LRRC37A2: variants seen among roughly 807,000 people sequenced by gnomAD.
LRRC37A2 encodes the protein leucine rich repeat containing 37 member A2.
A neutral mutation model predicts 68.8 loss-of-function variants in LRRC37A2; 9 were observed. The ratio of observed to expected loss-of-function variants is 0.13; its 90% CI spans 0.08 to 0.23. LRRC37A2 has a LOEUF of 0.23. Among genes scored for constraint, LRRC37A2 ranks in the 10% least tolerant of loss-of-function variants. The probability of loss-of-function intolerance (pLI) is 1.00; values close to 1 mark genes in which losing one functional copy is unlikely to be tolerated. For synonymous variants in LRRC37A2, 63 were observed against 367.6 expected, an observed-to-expected ratio of 0.17 and a Z score of 9.48; for missense variants, 168 against 950.4, an observed-to-expected ratio of 0.18 and a Z score of 10.82.
the LRRC37A2 span, among the ~76,000 whole-genome samples, chr17:46,734,395 TA>T: frequency 4.7e-4 from 69 of 147,456 alleles, no homozygotes; most frequent in Middle Eastern, 3.6e-3. Flanking sequence ...TTCTTTTATC[TA>T]AAAAAAAAAA....
At chr17:46,779,039 C>T in the LRRC37A2 span, among the ~76,000 whole-genome samples, 2 of 124,168 alleles carry the variant, frequency 1.6e-5, no homozygotes, top group African/African-American at 3.0e-5. Context: ...AGTTATTCCC[C>T]GGTCCCTACC....
At chr17:47,016,195 C>T in the LRRC37A2 span, among the ~76,000 whole-genome samples, 1 of 151,984 alleles carries the variant, frequency 6.6e-6, no homozygotes, top group Non-Finnish European at 1.5e-5. Flanking sequence ...CCCCCCACCT[C>T]GGCCTCCCAA....
At chr17:46,768,128 T>C in the LRRC37A2 span, among the ~76,000 whole-genome samples, 1 of 152,160 alleles carries the variant, frequency 6.6e-6, no homozygotes, top group Non-Finnish European at 1.5e-5. The surrounding 1 kb of genome is among the most constrained non-coding windows in gnomAD (Gnocchi z 5.0). Flanking sequence ...ATCCACCAAG[T>C]CTCTGCCCAA....
At chr17:46,996,396 T>C in the LRRC37A2 span, among the ~76,000 whole-genome samples, 106,072 of 151,728 alleles carry the variant, frequency 0.7, 37,680 homozygotes, top group Middle Eastern at 0.78. Flanking sequence ...GAAACCCATC[T>C]CAAGGAATTT....
the LRRC37A2 span, among the ~76,000 whole-genome samples, chr17:46,875,539 G>C: frequency 6.6e-6 from 1 of 152,172 alleles, no homozygotes; most frequent in Non-Finnish European, 1.5e-5. Context: ...ATCTACTCTG[G>C]GCTGTGACTG....
chr17:46,802,966 A>G, the LRRC37A2 span, among the ~76,000 whole-genome samples: 1 of 152,212 alleles, frequency 6.6e-6, no homozygotes, highest in South Asian at 2.1e-4. Flanking sequence ...GTCAGTCAGG[A>G]GCACATGTAA....
the LRRC37A2 span, among the ~76,000 whole-genome samples, chr17:46,392,421 CTTTCTTTCTCTCTT>C: frequency 0.048 from 2,716 of 56,862 alleles, 71 homozygotes; most frequent in Middle Eastern, 0.089. Context: ...CTCTCTCTCT[CTTTCTTTCTCTCTT>C]TCTTTCTTTC....
At chr17:47,020,805 A>AAAAAAAAAAAG in the LRRC37A2 span, among the ~76,000 whole-genome samples, 1 of 136,526 alleles carries the variant, frequency 7.3e-6, no homozygotes, top group African/African-American at 2.6e-5. Flanking sequence ...AAAAAAAAAA[A>AAAAAAAAAAAG]ATAGGAGGGA....
the LRRC37A2 span, among the ~76,000 whole-genome samples, chr17:46,771,988 C>A: frequency 6.6e-6 from 1 of 150,582 alleles, no homozygotes; most frequent in Non-Finnish European, 1.5e-5. Context: ...CCCAGACTCG[C>A]GGAAGACGCG....
At chr17:46,753,327 A>G in the LRRC37A2 span, among the ~76,000 whole-genome samples, 1 of 152,242 alleles carries the variant, frequency 6.6e-6, no homozygotes, top group Admixed American at 6.5e-5. Flanking sequence ...CAAATTGGAA[A>G]CGTGAAGTGA....
At chr17:46,830,489 G>GA in the LRRC37A2 span, 1 of 393,268 alleles carries the variant, frequency 2.5e-6, no homozygotes, top group African/African-American at 2.1e-5. Context: ...CTTGGGCTCA[G>GA]GAGATCCTCC....
the LRRC37A2 span, among the ~76,000 whole-genome samples, chr17:46,872,092 T>C: frequency 6.6e-6 from 1 of 152,174 alleles, no homozygotes; most frequent in Admixed American, 6.5e-5. Flanking sequence ...CCACCAATAC[T>C]CTGTGCATTA....
intron 6 of LRRC37A2, among the ~76,000 whole-genome samples, chr17:46,532,306 G>A (rs1186777580): frequency 2.1e-4 from 31 of 150,214 alleles, no homozygotes; most frequent in Admixed American, 9.2e-4. Context: ...AGAATACTCC[G>A]TTGAATTTGG....
At chr17:46,876,908 G>T in the LRRC37A2 span, 2 of 1,364,024 alleles carry the variant, frequency 1.5e-6, no homozygotes, top group Non-Finnish European at 1.9e-6. Context: ...ACTCAACAAA[G>T]AGAAGCAAAG....
chr17:46,934,478 C>T, the LRRC37A2 span, among the ~76,000 whole-genome samples: 228 of 152,050 alleles, frequency 1.5e-3, 1 homozygote, highest in Middle Eastern at 6.8e-3. Context: ...GCTGAGATCG[C>T]GCCACTGCAC....
At chr17:46,779,100 CA>C in the LRRC37A2 span, among the ~76,000 whole-genome samples, 53 of 144,790 alleles carry the variant, frequency 3.7e-4, 2 homozygotes, top group East Asian at 5.2e-3. Context: ...CACACACACA[CA>C]CACCCCAGCC....
the LRRC37A2 span, among the ~76,000 whole-genome samples, chr17:46,389,264 A>G: frequency 6.7e-6 from 1 of 150,182 alleles, no homozygotes; most frequent in Non-Finnish European, 1.5e-5. Context: ...TCCAGCTATA[A>G]TTTTCAAGAG....
At chr17:46,870,553 C>T in the LRRC37A2 span, among the ~76,000 whole-genome samples, 1 of 152,238 alleles carries the variant, frequency 6.6e-6, no homozygotes, top group Non-Finnish European at 1.5e-5. Context: ...GCATCTGTCT[C>T]TGCTCGGAGG....
At chr17:46,971,483 C>A in the LRRC37A2 span, among the ~76,000 whole-genome samples, 1 of 152,122 alleles carries the variant, frequency 6.6e-6, no homozygotes, top group South Asian at 2.1e-4. Context: ...TGACCCAGTG[C>A]CCCACCCTAG....
Sources: allele counts gnomAD v4.1 joint callset (sites outside exome capture counted in the v4.1 genomes callset), GRCh38; gene constraint gnomAD v4.1.1; non-coding constraint Gnocchi (gnomAD v3.1); transcripts MANE v1.5; gene names NCBI Gene and HGNC (gene_info 2026-07-23, HGNC 2026-07-21).